Variants in PTPRA observed in about 807,000 individuals in gnomAD.
PTPRA encodes receptor-type tyrosine-protein phosphatase alpha.
In PTPRA, 25 loss-of-function variants were observed where a neutral mutation model predicts 104.8. The observed-to-expected ratio is 0.24, with a 90% confidence interval of 0.17 to 0.33. PTPRA has a LOEUF of 0.33. Ranked by LOEUF, PTPRA falls within the 10% of genes least tolerant of loss-of-function variation. The pLI is 1.00. For synonymous variants in PTPRA, 323 were observed against 368.9 expected, an observed-to-expected ratio of 0.88 and a Z score of 1.43; for missense variants, 765 against 1,015.3, an observed-to-expected ratio of 0.75 and a Z score of 3.35.
chr20:2,893,418 C>T (rs2058873037), intron 1 of PTPRA, among the ~76,000 whole-genome samples: 1 of 152,128 alleles, frequency 6.6e-6, no homozygotes, highest in Admixed American at 6.6e-5. Flanking sequence ...TGGAGTTATG[C>T]ACATCAACTG....
chr20:2,924,377 A>G (rs993046857), intron 2 of PTPRA, among the ~76,000 whole-genome samples: 2 of 152,322 alleles, frequency 1.3e-5, no homozygotes, highest in African/African-American at 4.8e-5. Flanking sequence ...ACTCCATCCA[A>G]TCTGGGCAAC....
intron 9 of PTPRA, among the ~76,000 whole-genome samples, chr20:2,993,918 C>T (rs1368661391): frequency 6.6e-6 from 1 of 152,180 alleles, no homozygotes; most frequent in Non-Finnish European, 1.5e-5. Context: ...CCCTGACAGA[C>T]AGGCAGGCAG....
chr20:2,947,600 A>G (rs1238577866), intron 2 of PTPRA, among the ~76,000 whole-genome samples: 1 of 152,146 alleles, frequency 6.6e-6, no homozygotes. Context: ...CTCCACAGGC[A>G]TTGTGAAAGT....
intron 20 of PTPRA, among the ~76,000 whole-genome samples, chr20:3,032,505 C>T (rs180909616): frequency 1.9e-4 from 29 of 152,284 alleles, no homozygotes; most frequent in East Asian, 5.8e-4. Context: ...CGGTGGCTCA[C>T]GCCTGTAATC....
At chr20:2,924,055 G>C (rs904320679) in intron 2 of PTPRA, among the ~76,000 whole-genome samples, 1 of 152,214 alleles carries the variant, frequency 6.6e-6, no homozygotes, top group Non-Finnish European at 1.5e-5. Flanking sequence ...GTTCACTGCA[G>C]CTTTATGTAT....
chr20:2,969,794 A>G (rs1003678043), intron 5 of PTPRA, among the ~76,000 whole-genome samples: 2 of 151,404 alleles, frequency 1.3e-5, no homozygotes, highest in South Asian at 4.2e-4. Context: ...GTGAAACCCC[A>G]TCTCTACTAA....
At chr20:2,902,188 T>A (rs2059263884) in intron 1 of PTPRA, among the ~76,000 whole-genome samples, 1 of 152,066 alleles carries the variant, frequency 6.6e-6, no homozygotes, top group African/African-American at 2.4e-5. Flanking sequence ...CCTGGCCAAT[T>A]GTGATTTTTT....
chr20:2,874,971 G>A (rs1390606220), intron 1 of PTPRA, among the ~76,000 whole-genome samples: 3 of 152,060 alleles, frequency 2.0e-5, no homozygotes, highest in Non-Finnish European at 2.9e-5. Context: ...ACCTTTACCT[G>A]CCAAGCTCCA....
intron 9 of PTPRA, among the ~76,000 whole-genome samples, chr20:2,994,602 C>G (rs1315762703): frequency 6.6e-6 from 1 of 152,202 alleles, no homozygotes; most frequent in Non-Finnish European, 1.5e-5. Context: ...TGGATCCCAT[C>G]AAGGGCATAC....
At chr20:2,882,832 C>CT (rs1453752868) in intron 1 of PTPRA, among the ~76,000 whole-genome samples, 1 of 152,082 alleles carries the variant, frequency 6.6e-6, no homozygotes, top group African/African-American at 2.4e-5. Context: ...GTTGAGTCCA[C>CT]TTATTTGTTA....
At chr20:2,983,650 A>G (rs1030353977) in intron 6 of PTPRA, among the ~76,000 whole-genome samples, 2 of 151,792 alleles carry the variant, frequency 1.3e-5, no homozygotes, top group African/African-American at 2.4e-5. Context: ...TGTGCTAGAT[A>G]TAGAAGATAA....
At chr20:3,023,605 C>T (rs1274526892) in intron 16 of PTPRA, among the ~76,000 whole-genome samples, 1 of 152,200 alleles carries the variant, frequency 6.6e-6, no homozygotes, top group African/African-American at 2.4e-5. Flanking sequence ...TTTCCTTAAA[C>T]TTATTTATGA....
At chr20:3,026,860 G>C in intron 18 of PTPRA, 80 bp downstream of exon 18, 2 of 1,216,404 alleles carry the variant, frequency 1.6e-6, no homozygotes, top group South Asian at 2.5e-5. Flanking sequence ...TCAGGTACTA[G>C]TTAATGATTG....
chr20:2,879,073 C>T (rs1479673496), intron 1 of PTPRA, among the ~76,000 whole-genome samples: 1 of 152,178 alleles, frequency 6.6e-6, no homozygotes, highest in African/African-American at 2.4e-5. Flanking sequence ...TGTCTGTCCT[C>T]ATGACACTTT....
the PTPRA span, chr20:2,866,482 C>T: frequency 6.2e-6 from 10 of 1,614,100 alleles, no homozygotes; most frequent in Non-Finnish European, 8.5e-6. Flanking sequence ...TGAGGCTGAG[C>T]TGAGCCTCGT....
At chr20:2,871,354 T>C (rs1418775109), upstream of PTPRA, among the ~76,000 whole-genome samples, 4 of 152,140 alleles carry the variant, frequency 2.6e-5, no homozygotes, top group African/African-American at 4.8e-5. Context: ...CCGGGCTCTT[T>C]GACTACCACG....
At chr20:2,936,958 A>G (rs937931526) in intron 2 of PTPRA, among the ~76,000 whole-genome samples, 20 of 151,444 alleles carry the variant, frequency 1.3e-4, no homozygotes, top group African/African-American at 3.4e-4. Flanking sequence ...ACATTTTTTA[A>G]TATTTCATTT....
At chr20:3,018,432 G>A (rs906044825) in intron 13 of PTPRA, among the ~76,000 whole-genome samples, 8 of 151,190 alleles carry the variant, frequency 5.3e-5, no homozygotes, top group Non-Finnish European at 1.0e-4. Flanking sequence ...GACTCTTAAC[G>A]AGCCTGCTGC....
chr20:3,035,549 C>G lies in PTPRA; in HGVS notation c.1921-36C>G. The stretch of plus-strand genomic sequence containing the variant: ...CAGTGCTGCTTCTACACATGTGGTA[C>G]TCTGAGCTCCTCACCTCTCCAACCT... On this transcript the variant is annotated intron_variant, in intron 20 of 23. Transcript: ENST00000399903. This position sits in a 1 kb window ranked among gnomAD's most constrained non-coding sequence, Gnocchi z 5.8. 6.3e-7 allele frequency: 1 copy of G among 1,588,382 alleles called. No individual in the cohort carries two copies. The highest frequency in any genetic ancestry group is 8.6e-7 in the Non-Finnish European group (1 of 1,157,986).
Sources: gnomAD v4.1 joint callset for allele counts (sites outside exome capture counted in the v4.1 genomes callset) on GRCh38, gnomAD v4.1.1 for gene constraint, Gnocchi (gnomAD v3.1) non-coding constraint, MANE v1.5 for transcripts, NCBI Gene and HGNC (gene_info 2026-07-23, HGNC 2026-07-21) for gene names.